Variants in STRIP2 observed in about 807,000 individuals in gnomAD.
The protein encoded by STRIP2 is striatin-interacting protein 2.
STRIP2 carries 84 observed loss-of-function variants against 107.1 expected under a neutral mutation model. That is an observed-to-expected ratio of 0.78 (90% CI 0.66 to 0.94). The LOEUF is 0.94. STRIP2 is among the 40% of genes least tolerant of loss of function. The pLI is 0.00. For missense variants in STRIP2, 888 were observed against 1,034.2 expected (o/e 0.86, Z 1.94); for synonymous variants, 394 against 400.4 (o/e 0.98, Z 0.19).
At chr7:129,452,480 C>T (rs1562900158) in intron 4 of STRIP2, among the ~76,000 whole-genome samples, 1 of 152,218 alleles carries the variant, frequency 6.6e-6, no homozygotes, top group African/African-American at 2.4e-5. Context: ...ACTGTGCCCT[C>T]CTGTATCTCT....
intron 3 of STRIP2, among the ~76,000 whole-genome samples, chr7:129,451,053 C>T (rs1247214461): frequency 1.3e-5 from 2 of 149,034 alleles, no homozygotes; most frequent in Non-Finnish European, 3.0e-5. Flanking sequence ...TCTCCTGCCT[C>T]AGCCTCCCAA....
intron 18 of STRIP2, among the ~76,000 whole-genome samples, chr7:129,475,873 G>C (rs1353638733): frequency 1.3e-5 from 2 of 152,250 alleles, no homozygotes; most frequent in Middle Eastern, 6.8e-3. Flanking sequence ...GAGAGCACCG[G>C]GTTGGGGGCA....
intron 12 of STRIP2, 43 bp from the exon 13 acceptor site, chr7:129,460,258 A>G: frequency 2.6e-6 from 4 of 1,567,470 alleles, no homozygotes; most frequent in Non-Finnish European, 3.5e-6. Context: ...ACACATGTGA[A>G]TGAGGCCCTC....
In STRIP2 at chr7:129,456,141, C is replaced by CA. The variant is rs1798342264; in HGVS notation, c.835-298_835-297insA. 3.7e-5 allele frequency among the ~76,000 whole-genome samples: 3 copies of CA among 81,008 alleles called. No homozygotes were observed. The South Asian group carries it at 1.3e-3, about 35-fold the overall frequency. 53.1% of individuals were successfully genotyped at this position (81,008 alleles called of 152,430 possible). A position where few individuals can be genotyped will look rare whatever the true frequency, so the allele number is the denominator to read the frequency against. ...TGTTCCTTAAAAAAGTCGATAGTTT[C>CA]TTTTTTTTCTTTTTTTTTTTTTTTG... is the stretch of plus-strand genomic sequence containing the variant. On this transcript the variant is annotated intron_variant, in intron 8 of 20. Coordinates refer to ENST00000249344, the MANE Select transcript of STRIP2 (RefSeq NM_020704.3).
At chr7:129,470,271 G>A (rs553148963) in intron 17 of STRIP2, among the ~76,000 whole-genome samples, 1 of 152,348 alleles carries the variant, frequency 6.6e-6, no homozygotes, top group African/African-American at 2.4e-5. Flanking sequence ...GTTATCCAGT[G>A]GGATGGGTTT....
chr7:129,463,872 C>T (rs1282903986), intron 14 of STRIP2, among the ~76,000 whole-genome samples, 172 bp from the exon 15 acceptor site: 1 of 152,210 alleles, frequency 6.6e-6, no homozygotes, highest in Non-Finnish European at 1.5e-5. Flanking sequence ...GCAGGCCTGT[C>T]AGGACTGGGC....
intron 2 of STRIP2, among the ~76,000 whole-genome samples, chr7:129,441,078 A>G (rs148062158): frequency 6.6e-6 from 1 of 152,248 alleles, no homozygotes; most frequent in East Asian, 1.9e-4. Flanking sequence ...GGCAAAGAAT[A>G]TAAATGGGAA....
At chr7:129,474,889 G>T (rs185625757) in intron 18 of STRIP2, among the ~76,000 whole-genome samples, 1 of 152,290 alleles carries the variant, frequency 6.6e-6, no homozygotes, top group East Asian at 1.9e-4. Context: ...ACTCTAAACA[G>T]CATGATGAAC....
Position 129,480,811 on chromosome 7 carries a change from C to T in STRIP2, c.1971C>T (p.Cys657=), listed in dbSNP as rs754848255. The T allele has an allele frequency of 1.2e-5, 19 of 1,613,800 alleles. No homozygotes were observed. The highest frequency in any genetic ancestry group is 5.0e-5 in the Admixed American group (3 of 59,966). Reference sequence around the variant, plus strand: ...AAGCTGGAGACAACAGCCAGTTCTGCTGGAGGAACCTCTTTTCCTGCATCA... The same window carrying T: ...AAGCTGGAGACAACAGCCAGTTCTGTTGGAGGAACCTCTTTTCCTGCATCA... ...SLEAGDNSQF[C]WRNLFSCINL... The change falls in exon 19 of 21, where the codon TGC becomes TGT. Residue 657 remains cysteine (C), a synonymous_variant. Coordinates refer to ENST00000249344, the MANE Select transcript of STRIP2 (RefSeq NM_020704.3).
rs973151537 is a variant in STRIP2, at chr7:129,460,211, T to A, written c.1405-90T>A. ...GGGTAACAAACCCATAAGCAGAACA[T>A]TTCCTTGCTTTTGGGGAATTTAAGT... On this transcript the variant is annotated intron_variant, in intron 12 of 20. Transcript: ENST00000249344. 6 of 1,179,970 alleles carry A rather than the reference T, an allele frequency of 5.1e-6. No homozygotes were observed. The African/African-American group carries it at 7.7e-5, about 15-fold the overall frequency. 73.1% of individuals were successfully genotyped at this position (1,179,970 alleles called of 1,614,324 possible). A position where few individuals can be genotyped will look rare whatever the true frequency, so the allele number is the denominator to read the frequency against.
chr7:129,485,810 A>T lies in STRIP2; in HGVS notation c.2486A>T (p.Glu829Val), dbSNP rs1799233158. Residue 829 changes from glutamate (E) to valine (V), a missense_variant, in exon 21 of 21, where the codon GAG (glutamate) becomes GTG (valine). By Grantham distance (121) the Glu-to-Val change is moderately radical (BLOSUM62 -2). Transcript: ENST00000249344. ...EVFSQPICWE[E>V]LLQNH ...TTTTCACAGCCCATCTGTTGGGAGG[A>T]GCTGCTCCAGAATCACTGACTAAGT... 21 of 1,613,916 alleles carry T rather than the reference A, an allele frequency of 1.3e-5. 1 individual carries two copies. In the East Asian group the frequency reaches 4.7e-4, roughly 36 times the overall value.
chr7:129,476,946 G>T (rs111633032), intron 18 of STRIP2, among the ~76,000 whole-genome samples: 1 of 151,496 alleles, frequency 6.6e-6, no homozygotes, highest in African/African-American at 2.4e-5. Flanking sequence ...ACCGAGGCTG[G>T]CAGATCACTC....
chr7:129,455,616 C>A lies in STRIP2; in HGVS notation c.834+245C>A, dbSNP rs185483097. ...CCATAAATTGGGGATGTCAGTGGTA[C>A]CTTCTCTTATTAAAGCCAATGTTTG... On this transcript the variant is annotated intron_variant, in intron 8 of 20. Coordinates refer to ENST00000249344, the MANE Select transcript of STRIP2 (RefSeq NM_020704.3). Among the ~76,000 whole-genome samples, 864 of 152,190 alleles carry A rather than the reference C, an allele frequency of 5.7e-3. 8 individuals carry two copies. The highest frequency in any genetic ancestry group is 0.02 in the African/African-American group (822 of 41,514).
At chr7:129,464,278 CT>C in intron 15 of STRIP2, 137 bp downstream of exon 15, 1 of 714,970 alleles carries the variant, frequency 1.4e-6, no homozygotes, top group Non-Finnish European at 2.4e-6. Flanking sequence ...CCAGTACCCC[CT>C]TTCCCGTACA....
chr7:129,456,290 CTT>C, intron 8 of STRIP2, 147 bp from the exon 9 acceptor site: 1 of 664,164 alleles, frequency 1.5e-6, no homozygotes, highest in East Asian at 2.7e-5. Context: ...ATATTTGCCT[CTT>C]TATGTTTTAC....
chr7:129,476,634 G>A (rs1302387281), intron 18 of STRIP2, among the ~76,000 whole-genome samples: 3 of 151,104 alleles, frequency 2.0e-5, no homozygotes, highest in African/African-American at 7.3e-5. Context: ...GGGCAGAGAC[G>A]CTCCTCACTT....
chr7:129,457,511 T>C (rs691435), intron 9 of STRIP2, among the ~76,000 whole-genome samples: 46,637 of 152,128 alleles, frequency 0.31, 7,505 homozygotes, highest in African/African-American at 0.41. Flanking sequence ...GAGATCTGAC[T>C]ATGTTCTTAC....
intron 20 of STRIP2, among the ~76,000 whole-genome samples, chr7:129,485,087 C>T (rs1374304287): frequency 3.3e-5 from 5 of 152,170 alleles, no homozygotes; most frequent in Admixed American, 3.3e-4. Flanking sequence ...TTCTGATTCT[C>T]CATGTTATAC....
At chr7:129,465,008 C>T (rs1169778914) in intron 16 of STRIP2, among the ~76,000 whole-genome samples, 2 of 149,602 alleles carry the variant, frequency 1.3e-5, no homozygotes, top group South Asian at 2.1e-4. Flanking sequence ...TATGCCCAGC[C>T]AGTTTTTAAA....
Sources: allele counts gnomAD v4.1 joint callset (sites outside exome capture counted in the v4.1 genomes callset), GRCh38; gene constraint gnomAD v4.1.1; transcripts MANE v1.5; gene names NCBI Gene and HGNC (gene_info 2026-07-23, HGNC 2026-07-21).